NAALADL2: variants seen among roughly 807,000 people sequenced by gnomAD.
The protein encoded by NAALADL2 is N-acetylated alpha-linked acidic dipeptidase like 2.
In NAALADL2, 76 loss-of-function variants were observed where a neutral mutation model predicts 87.2. That is an observed-to-expected ratio of 0.87 (90% confidence interval 0.72 to 1.05). The LOEUF (loss-of-function observed/expected upper bound fraction) is 1.05, where lower values mean the gene tolerates loss of function less well. NAALADL2 is among the 50% of genes least tolerant of loss of function. The pLI, the probability that NAALADL2 is intolerant of heterozygous loss-of-function variation, is 0.00. For synonymous variants in NAALADL2, 354 were observed against 331.0 expected (o/e 1.07, Z -0.75); for missense variants, 1,089 against 945.8 (o/e 1.15, Z -1.99).
intron 9 of NAALADL2, among the ~76,000 whole-genome samples, chr3:175,501,465 T>G (rs1474786369): frequency 8.8e-6 from 1 of 113,744 alleles, no homozygotes; most frequent in East Asian, 3.3e-4. Context: ...TGATTCTCAT[T>G]GGCTCAGTGT....
At chr3:174,972,896 T>TGAGG (rs1743881744) in intron 1 of NAALADL2, among the ~76,000 whole-genome samples, 1 of 150,870 alleles carries the variant, frequency 6.6e-6, no homozygotes, top group Non-Finnish European at 1.5e-5. Flanking sequence ...GTCGGGAGGC[T>TGAGG]GAGGGAGGAG....
rs181742250 is a variant in NAALADL2 at position 174,888,248 on chromosome 3, A to G, written c.43+28798A>G. Reference sequence around the variant, plus strand: ...GCAATGATGTCGTGGAAGAATAGGCAGTGGCCATACAACAGAGGGTTTTGC... The same window carrying G: ...GCAATGATGTCGTGGAAGAATAGGCGGTGGCCATACAACAGAGGGTTTTGC... On this transcript the variant is annotated intron_variant, in intron 1 of 13. Transcript: ENST00000454872. Among the ~76,000 whole-genome samples the G allele has an allele frequency of 3.9e-5, 6 of 152,358 alleles. No homozygotes were observed. In the East Asian group the frequency reaches 1.2e-3, roughly 29 times the overall value.
At chr3:174,695,233 G>T (rs114904107) in intron 2 of NAALADL2, among the ~76,000 whole-genome samples, 3 of 151,904 alleles carry the variant, frequency 2.0e-5, no homozygotes, top group Admixed American at 1.3e-4. Context: ...ATCATGTGTC[G>T]AGAGTCTATG....
intron 1 of NAALADL2, among the ~76,000 whole-genome samples, chr3:174,936,653 A>C (rs1192756325): frequency 6.6e-6 from 1 of 152,268 alleles, no homozygotes; most frequent in East Asian, 1.9e-4. Context: ...CAAAAAATCT[A>C]GTAGTTTTTG....
At chr3:175,678,990 A>T (rs949726112) in intron 11 of NAALADL2, among the ~76,000 whole-genome samples, 2 of 150,510 alleles carry the variant, frequency 1.3e-5, no homozygotes, top group African/African-American at 4.9e-5. Context: ...CTTTTATAGG[A>T]TTTGGGTAGG....
intron 13 of NAALADL2, among the ~76,000 whole-genome samples, chr3:175,795,136 C>T (rs900621914): frequency 2.6e-5 from 4 of 152,200 alleles, no homozygotes; most frequent in Non-Finnish European, 5.9e-5. Context: ...ACCTGCAGGG[C>T]CTAAGGCTTC....
chr3:174,918,309 G>A (rs537326992), intron 1 of NAALADL2, among the ~76,000 whole-genome samples: 1 of 152,036 alleles, frequency 6.6e-6, no homozygotes, highest in Admixed American at 6.6e-5. Context: ...TGGAGTCAGT[G>A]TATCAGTGGG....
intron 5 of NAALADL2, among the ~76,000 whole-genome samples, chr3:175,343,804 A>G (rs1762849370): frequency 6.6e-6 from 1 of 151,944 alleles, no homozygotes; most frequent in South Asian, 2.1e-4. Flanking sequence ...ACATATTAAA[A>G]GTGAAAGAGG....
chr3:175,004,700 T>A (rs1396757605), intron 1 of NAALADL2, among the ~76,000 whole-genome samples: 1 of 152,170 alleles, frequency 6.6e-6, no homozygotes, highest in Non-Finnish European at 1.5e-5. Context: ...CACTTTTGAT[T>A]TCTGATGGTT....
chr3:174,522,088 G>T (rs1038510767), intron 1 of NAALADL2, among the ~76,000 whole-genome samples: 2 of 152,112 alleles, frequency 1.3e-5, no homozygotes, highest in African/African-American at 2.4e-5. Context: ...AACAGAGTGA[G>T]ACTCTGTCTC....
intron 2 of NAALADL2, among the ~76,000 whole-genome samples, chr3:175,147,749 C>T (rs1220501967): frequency 2.6e-5 from 4 of 152,096 alleles, no homozygotes; most frequent in Non-Finnish European, 5.9e-5. Flanking sequence ...GCCTCGTCAG[C>T]ATCTGTTGTT....
rs558659071 is a variant in NAALADL2, at chr3:175,160,849, C to A, written c.545+63558C>A. On this transcript the variant is annotated intron_variant, in intron 2 of 13. Coordinates refer to ENST00000454872, the MANE Select transcript of NAALADL2 (RefSeq NM_207015.3). ...GAATTTATGCCAACTTGGAAGTTATCTTTTTTCTTATATTTTTTCAGGAGT... is the reference window on the plus strand; with the variant it reads ...GAATTTATGCCAACTTGGAAGTTATATTTTTTCTTATATTTTTTCAGGAGT... Among the ~76,000 whole-genome samples, 10 of 152,074 alleles carry A rather than the reference C, an allele frequency of 6.6e-5. No homozygotes were observed. The East Asian group carries it at 1.9e-3, about 29-fold the overall frequency.
At chr3:175,120,354 C>T (rs532173549) in intron 2 of NAALADL2, among the ~76,000 whole-genome samples, 183 of 151,856 alleles carry the variant, frequency 1.2e-3, no homozygotes, top group African/African-American at 4.2e-3. Context: ...AACAAATCCT[C>T]TAAAAGGTAT....
At chr3:175,107,776 G>A (rs757943129) in intron 2 of NAALADL2, among the ~76,000 whole-genome samples, 37 of 109,776 alleles carry the variant, frequency 3.4e-4, no homozygotes, top group African/African-American at 1.4e-3. Flanking sequence ...TTTTAATGTG[G>A]TAATATTAAG....
intron 2 of NAALADL2, among the ~76,000 whole-genome samples, chr3:174,563,247 G>A (rs1578178794): frequency 6.6e-6 from 1 of 151,424 alleles, no homozygotes; most frequent in Non-Finnish European, 1.5e-5. Flanking sequence ...TCTTTAGCAT[G>A]TTTATTTCTT....
At chr3:175,464,187 C>T (rs1214401456) in intron 7 of NAALADL2, among the ~76,000 whole-genome samples, 1 of 151,746 alleles carries the variant, frequency 6.6e-6, no homozygotes, top group Non-Finnish European at 1.5e-5. Context: ...AAGTTTTGGT[C>T]TCCAAATTTA....
At chr3:174,918,848 A>G (rs1734763685) in intron 1 of NAALADL2, among the ~76,000 whole-genome samples, 1 of 152,168 alleles carries the variant, frequency 6.6e-6, no homozygotes, top group Non-Finnish European at 1.5e-5. Flanking sequence ...CAAAGAAAGA[A>G]TAAAGAATTA....
At chr3:175,379,117 G>C (rs9856818) in intron 5 of NAALADL2, among the ~76,000 whole-genome samples, 53,959 of 151,424 alleles carry the variant, frequency 0.36, 9,852 homozygotes, top group East Asian at 0.53. Flanking sequence ...CAGATTGCCT[G>C]TCCCCAAATT....
chr3:174,529,913 C>T (rs980641680), intron 1 of NAALADL2, among the ~76,000 whole-genome samples: 1 of 152,168 alleles, frequency 6.6e-6, no homozygotes, highest in Admixed American at 6.5e-5. Flanking sequence ...ATGGGAAGGT[C>T]TGCTGCAAAG....
Sources: gnomAD v4.1 joint callset for allele counts (sites outside exome capture counted in the v4.1 genomes callset) on GRCh38, gnomAD v4.1.1 for gene constraint, MANE v1.5 for transcripts, NCBI Gene and HGNC (gene_info 2026-07-23, HGNC 2026-07-21) for gene names.